Variants in NLRP14 observed in about 807,000 individuals in gnomAD.
NLRP14 encodes the protein NLR family pyrin domain containing 14, also known as NACHT, LRR and PYD domains-containing protein 14.
In NLRP14, 105 loss-of-function variants were observed where a neutral mutation model predicts 94.7. That is an observed-to-expected ratio of 1.11 (90% CI 0.95 to 1.30). The LOEUF is 1.30. Ranked by LOEUF, NLRP14 falls within the 50% of genes most tolerant of loss-of-function variation. The pLI, the probability that NLRP14 is intolerant of heterozygous loss-of-function variation, is 0.00. For synonymous variants in NLRP14, 508 were observed against 459.9 expected (o/e 1.10, Z -1.34); for missense variants, 1,362 against 1,254.1 (o/e 1.09, Z -1.30).
At chr11:7,059,784 G>A (rs1852584282) in intron 8 of NLRP14, 110 bp from the exon 9 acceptor site, 8 of 940,008 alleles carry the variant, frequency 8.5e-6, no homozygotes, top group Admixed American at 8.0e-5. Flanking sequence ...CATCTGAGAT[G>A]GAATGTTGGC....
the NLRP14 span, among the ~76,000 whole-genome samples, chr11:7,082,430 T>C: frequency 2.0e-5 from 3 of 152,216 alleles, no homozygotes; most frequent in African/African-American, 7.2e-5. Flanking sequence ...TATTATCATA[T>C]TTCATGAAAA....
the NLRP14 span, among the ~76,000 whole-genome samples, chr11:7,085,428 C>T: frequency 6.6e-6 from 1 of 152,184 alleles, no homozygotes. Flanking sequence ...ATTCTACTTT[C>T]TGTCTCTATG....
Position 7,043,669 on chromosome 11 carries a change from T to G in NLRP14, c.1643T>G (p.Phe548Cys). The change falls in exon 4 of 12, where the codon TTT becomes TGT. Residue 548 changes from phenylalanine (F) to cysteine (C), a missense_variant. Transcript: ENST00000299481. ...EDRVKQLERT[F>C]NCKMSLKIKS... The stretch of plus-strand genomic sequence containing the variant: ...CGAGTAAAACAACTGGAGAGGACTT[T>G]TAACTGTAAAATGTCACTGAAGATA... The G allele has an allele frequency of 6.2e-7, 1 of 1,614,036 alleles. No homozygotes were observed. The highest frequency in any genetic ancestry group is 8.5e-7 in the Non-Finnish European group (1 of 1,179,956).
chr11:7,038,283 C>A lies in NLRP14; in HGVS notation c.-21-283C>A, dbSNP rs562824072. On this transcript the variant is annotated intron_variant, in intron 1 of 11. Coordinates refer to ENST00000299481, the MANE Select transcript of NLRP14 (RefSeq NM_176822.4). ...CTTAGCAGAAGAGTAAGTTGAGGTT[C>A]AAAGAGAGGAATTACCTTTATTTAT... Among the ~76,000 whole-genome samples the A allele has an allele frequency of 2.7e-4, 41 of 152,062 alleles. No homozygotes were observed. In the South Asian group the frequency reaches 8.5e-3, roughly 32 times the overall value.
chr11:7,021,361 T>C (rs1851931316), intron 1 of NLRP14, among the ~76,000 whole-genome samples: 1 of 152,230 alleles, frequency 6.6e-6, no homozygotes, highest in Admixed American at 6.5e-5. Flanking sequence ...CAGGGGTGGG[T>C]GGCCCAGCGC....
intron 6 of NLRP14, among the ~76,000 whole-genome samples, chr11:7,052,515 C>G (rs868219524): frequency 3.3e-5 from 5 of 152,140 alleles, no homozygotes; most frequent in Non-Finnish European, 7.4e-5. Context: ...CACCTGTAAT[C>G]CCAGCTACTC....
chr11:7,057,907 T>A lies in NLRP14; in HGVS notation c.2462+60T>A, dbSNP rs954828649. The A allele has an allele frequency of 3.6e-6, 5 of 1,398,634 alleles. No homozygotes were observed. In the African/African-American group the frequency reaches 7.0e-5, roughly 20 times the overall value. The allele number at this position is 1,398,634 out of a possible 1,614,324, so 86.6% of individuals were successfully genotyped here. On this transcript the variant is annotated intron_variant, in intron 7 of 11. Transcript: ENST00000299481. ...TTTGCTTGGTTCTGTGTAGCTTAAT[T>A]GTGATCTGATAGGGAAACTTCTTGG...
In NLRP14 at chr11:7,043,507, T is replaced by C; in HGVS notation, c.1481T>C (p.Leu494Ser). The C allele has an allele frequency of 6.2e-7, 1 of 1,614,210 alleles. No individual in the cohort carries two copies. The highest frequency in any genetic ancestry group is 8.5e-7 in the Non-Finnish European group (1 of 1,180,038). ...TTTTTTGCAGCTATGTTCTATATGT[T>C]GAAAGGCAGTTGGGAAGCTGGGAAC... ...QEFFAAMFYM[L>S]KGSWEAGNPS... Residue 494 changes from leucine to serine, a missense_variant, in exon 4 of 12, where the codon TTG becomes TCG. Transcript: ENST00000299481.
chr11:7,089,419 G>A, the NLRP14 span: 3,610 of 1,566,832 alleles, frequency 2.3e-3, 7 homozygotes, highest in Non-Finnish European at 3.0e-3. Context: ...CCGCCTCCCC[G>A]CAGCCGCGGT....
In NLRP14 at chr11:7,070,424, G is replaced by C. The variant is rs1463441511; in HGVS notation, c.3114G>C (p.Leu1038Phe). ...GAATTGTGAAGTTATATAAAGTCTTGAAGTCTCCTAAGTGTAAACTACAAG... is the reference window on the plus strand; with the variant it reads ...GAATTGTGAAGTTATATAAAGTCTTCAAGTCTCCTAAGTGTAAACTACAAG... ...YEGIVKLYKV[L>F]KSPKCKLQVL... The change falls in exon 11 of 12, where the codon TTG (leucine) becomes TTC (phenylalanine). Residue 1038 changes from leucine (L) to phenylalanine (F), a missense_variant. By Grantham distance (22) the Leu-to-Phe change is conservative (BLOSUM62 0). Coordinates refer to ENST00000299481, the MANE Select transcript of NLRP14 (RefSeq NM_176822.4). 6 of 1,611,764 alleles carry C rather than the reference G, an allele frequency of 3.7e-6. No individual in the cohort carries two copies. Among genetic ancestry groups the C allele is most frequent in the Non-Finnish European group, 5.1e-6 (6 of 1,178,254 alleles).
intron 3 of NLRP14, among the ~76,000 whole-genome samples, chr11:7,040,294 G>C (rs7114066): frequency 0.56 from 84,599 of 152,000 alleles, 24,446 homozygotes; most frequent in East Asian, 0.74. Flanking sequence ...GAGGTGAGTG[G>C]TAGGCCACGG....
the NLRP14 span, chr11:7,089,547 A>C: frequency 8.3e-7 from 1 of 1,202,860 alleles, no homozygotes. Context: ...GCGGCCCTCC[A>C]GGGCCCCGAT....
At chr11:7,049,964 G>A (rs920676268) in intron 6 of NLRP14, 126 bp downstream of exon 6, 35 of 808,992 alleles carry the variant, frequency 4.3e-5, no homozygotes, top group Non-Finnish European at 6.2e-5. Context: ...ATGATATGGG[G>A]TAGCAAGCAT....
chr11:7,062,458 T>G lies in NLRP14; in HGVS notation c.2930T>G (p.Leu977Arg), dbSNP rs1299901134. 18 of 1,613,280 alleles carry G rather than the reference T, an allele frequency of 1.1e-5. No homozygotes were observed. The highest frequency in any genetic ancestry group is 1.4e-5 in the Non-Finnish European group (17 of 1,179,404). Residue 977 changes from leucine to arginine, a missense_variant, in exon 10 of 12, where the codon CTG (leucine) becomes CGG (arginine). Physicochemically the swap from Leu to Arg is moderately radical, Grantham distance 102. Transcript: ENST00000299481. ...NDLQDDGVKI[L>R]CDALRYPNCN... ...TTGCAGGATGATGGAGTGAAAATTC[T>G]GTGTGATGCTTTGAGATATCCAAAC...
At chr11:7,053,471 A>T (rs955649295) in intron 6 of NLRP14, among the ~76,000 whole-genome samples, 32 of 28,176 alleles carry the variant, frequency 1.1e-3, no homozygotes, top group African/African-American at 2.7e-3. Context: ...GATTTAAATT[A>T]TATATATATA....
At chr11:7,032,989 G>T (rs960920185) in intron 1 of NLRP14, among the ~76,000 whole-genome samples, 1 of 152,114 alleles carries the variant, frequency 6.6e-6, no homozygotes, top group Non-Finnish European at 1.5e-5. Flanking sequence ...CTCCACAGAG[G>T]TATTAGGAAA....
chr11:7,062,465 T>C lies in NLRP14; in HGVS notation c.2937T>C (p.Asp979=), dbSNP rs1385117544. Residue 979 remains aspartate (D), a synonymous_variant, in exon 10 of 12, where the codon GAT becomes GAC. Transcript: ENST00000299481. ...ATGATGGAGTGAAAATTCTGTGTGA[T>C]GCTTTGAGATATCCAAACTGTAACA... The part of the protein sequence containing the change: ...LQDDGVKILC[D]ALRYPNCNIQ... 2 of 1,613,184 alleles carry C rather than the reference T, an allele frequency of 1.2e-6. No individual in the cohort carries two copies. Among genetic ancestry groups the C allele is most frequent in the Middle Eastern group, 3.3e-4 (2 of 6,056 alleles).
intron 5 of NLRP14, among the ~76,000 whole-genome samples, chr11:7,049,043 G>A (rs1852401519): frequency 6.6e-6 from 1 of 152,122 alleles, no homozygotes; most frequent in South Asian, 2.1e-4. Context: ...GGGCCGAAAG[G>A]AGGAAAGGTG....
chr11:7,036,181 A>G (rs188984055), intron 1 of NLRP14, among the ~76,000 whole-genome samples: 166 of 152,366 alleles, frequency 1.1e-3, no homozygotes, highest in African/African-American at 3.8e-3. Context: ...TTTGCAAATT[A>G]AAATCCTCAT....
Sources: allele counts gnomAD v4.1 joint callset (sites outside exome capture counted in the v4.1 genomes callset), GRCh38; gene constraint gnomAD v4.1.1; transcripts MANE v1.5; gene names NCBI Gene and HGNC (gene_info 2026-07-23, HGNC 2026-07-21).